WDPCP: variants seen among roughly 807,000 people sequenced by gnomAD.
WDPCP encodes the protein WD repeat-containing and planar cell polarity effector protein fritz homolog.
In WDPCP, 71 loss-of-function variants were observed where a neutral mutation model predicts 93.1. That is an observed-to-expected ratio of 0.76 (90% CI 0.63 to 0.93). The LOEUF is 0.93. WDPCP is among the 40% of genes least tolerant of loss of function. The pLI, the probability that WDPCP is intolerant of heterozygous loss-of-function variation, is 0.00. For synonymous variants in WDPCP, 315 were observed against 315.0 expected (o/e 1.00, Z 0.00); for missense variants, 844 against 887.4 (o/e 0.95, Z 0.62).
At chr2:63,676,585 T>A (rs1710405758) in intron 2 of WDPCP, among the ~76,000 whole-genome samples, 2 of 152,088 alleles carry the variant, frequency 1.3e-5, no homozygotes, top group African/African-American at 4.8e-5. Flanking sequence ...AAAAAAAGGA[T>A]ACATATTACA....
At chr2:63,136,525 G>A (rs777614409) in intron 17 of WDPCP, among the ~76,000 whole-genome samples, 12 of 152,100 alleles carry the variant, frequency 7.9e-5, no homozygotes, top group Non-Finnish European at 1.6e-4. Flanking sequence ...GGGAGGGAAA[G>A]GAGTATAAAC....
chr2:63,810,781 A>G (rs567552896), intron 2 of WDPCP, among the ~76,000 whole-genome samples: 1 of 152,378 alleles, frequency 6.6e-6, no homozygotes, highest in African/African-American at 2.4e-5. Flanking sequence ...AAATTTGGAT[A>G]TAATGTACGG....
chr2:63,416,334 C>T (rs545474723), intron 9 of WDPCP, among the ~76,000 whole-genome samples: 5 of 146,308 alleles, frequency 3.4e-5, no homozygotes, highest in African/African-American at 7.6e-5. Context: ...CGAGTAGCTG[C>T]GATTACAGGT....
intron 2 of WDPCP, among the ~76,000 whole-genome samples, chr2:63,795,602 A>AAAAG (rs770069720): frequency 2.0e-5 from 3 of 151,832 alleles, no homozygotes; most frequent in African/African-American, 7.3e-5. Flanking sequence ...AGAAAGAAAG[A>AAAAG]AAAGAAAGAA....
intron 14 of WDPCP, chr2:63,228,401 T>C (rs1481982423): frequency 4.7e-5 from 7 of 150,130 alleles, no homozygotes; most frequent in African/African-American, 1.5e-4. Flanking sequence ...TTTTTTTTTT[T>C]TTTTGAATTT....
chr2:63,341,707 G>A (rs112735952), intron 12 of WDPCP, among the ~76,000 whole-genome samples: 5 of 152,122 alleles, frequency 3.3e-5, no homozygotes, highest in African/African-American at 1.2e-4. Flanking sequence ...CATATATCTT[G>A]GTCTCTGCTG....
At chr2:63,655,822 C>G (rs1188495263) in intron 2 of WDPCP, among the ~76,000 whole-genome samples, 1 of 152,106 alleles carries the variant, frequency 6.6e-6, no homozygotes, top group East Asian at 1.9e-4. Context: ...ACATGAAGAA[C>G]TTTCTCATTC....
At chr2:63,700,282 C>CAAAAAAA (rs1196006011) in intron 2 of WDPCP, among the ~76,000 whole-genome samples, 49 of 41,526 alleles carry the variant, frequency 1.2e-3, no homozygotes, top group African/African-American at 2.0e-3. Flanking sequence ...GACCCTGTCT[C>CAAAAAAA]AAAAAAAAAA....
chr2:63,456,771 CT>C (rs1328393040), intron 6 of WDPCP, among the ~76,000 whole-genome samples: 15 of 152,162 alleles, frequency 9.9e-5, no homozygotes, highest in Non-Finnish European at 1.9e-4. Flanking sequence ...AATCCCAGCA[CT>C]TTGGGAGGCT....
chr2:63,782,367 G>A (rs1015540241), intron 2 of WDPCP, among the ~76,000 whole-genome samples: 4 of 152,168 alleles, frequency 2.6e-5, no homozygotes, highest in African/African-American at 9.7e-5. Flanking sequence ...AATCAACAGA[G>A]TGAGCATACA....
chr2:63,497,881 T>G (rs1333684052), intron 1 of WDPCP, among the ~76,000 whole-genome samples: 2 of 152,154 alleles, frequency 1.3e-5, no homozygotes, highest in Non-Finnish European at 2.9e-5. Flanking sequence ...TTCTGCATTT[T>G]CAGAAGGGGG....
chr2:63,306,343 C>T (rs1302977854), intron 13 of WDPCP, among the ~76,000 whole-genome samples: 4 of 152,192 alleles, frequency 2.6e-5, no homozygotes, highest in Non-Finnish European at 4.4e-5. Flanking sequence ...CCTTCTGAAA[C>T]TATTCCAAAC....
intron 2 of WDPCP, among the ~76,000 whole-genome samples, chr2:63,800,454 C>G (rs1369450272): frequency 1.3e-5 from 2 of 152,134 alleles, no homozygotes; most frequent in African/African-American, 4.8e-5. Flanking sequence ...TATATTCCCA[C>G]AGCATCAAGC....
intron 14 of WDPCP, among the ~76,000 whole-genome samples, chr2:63,244,495 G>C (rs148311347): frequency 6.6e-6 from 1 of 152,202 alleles, no homozygotes; most frequent in Non-Finnish European, 1.5e-5. Context: ...GAAAAAAAGA[G>C]AGATCCAAAT....
At chr2:63,640,245 T>G (rs1262019645) in intron 3 of WDPCP, among the ~76,000 whole-genome samples, 1 of 152,094 alleles carries the variant, frequency 6.6e-6, no homozygotes, top group Non-Finnish European at 1.5e-5. Flanking sequence ...CCTGACCTTG[T>G]GATCCTCCCA....
At chr2:63,698,853 G>A (rs1168250567) in intron 2 of WDPCP, among the ~76,000 whole-genome samples, 1 of 152,030 alleles carries the variant, frequency 6.6e-6, no homozygotes, top group South Asian at 2.1e-4. Context: ...ACAATGACAT[G>A]GACATGTAGC....
intron 9 of WDPCP, among the ~76,000 whole-genome samples, chr2:63,412,758 C>T (rs1695112123): frequency 1.3e-5 from 2 of 149,282 alleles, no homozygotes; most frequent in South Asian, 4.3e-4. Context: ...AAATCAAGAA[C>T]TCAACCCCTT....
intron 15 of WDPCP, among the ~76,000 whole-genome samples, chr2:63,171,274 C>A (rs1010019447): frequency 1.3e-5 from 2 of 152,160 alleles, no homozygotes; most frequent in Non-Finnish European, 2.9e-5. Context: ...AGGCAGATCA[C>A]AGACGGAGAA....
intron 1 of WDPCP, among the ~76,000 whole-genome samples, chr2:63,568,246 C>T (rs1375492804): frequency 1.3e-5 from 2 of 151,894 alleles, no homozygotes; most frequent in Non-Finnish European, 2.9e-5. Context: ...AACTACTATG[C>T]CTTCTAGAAT....
Sources: gnomAD v4.1 joint callset for allele counts (sites outside exome capture counted in the v4.1 genomes callset) on GRCh38, gnomAD v4.1.1 for gene constraint, MANE v1.5 for transcripts, NCBI Gene and HGNC (gene_info 2026-07-23, HGNC 2026-07-21) for gene names.